Variants in IRAK1BP1 observed in about 807,000 individuals in gnomAD.
IRAK1BP1 encodes interleukin-1 receptor-associated kinase 1-binding protein 1.
In IRAK1BP1, 24 loss-of-function variants were observed where a neutral mutation model predicts 28.0. The ratio of observed to expected loss-of-function variants is 0.86; its 90% confidence interval spans 0.62 to 1.20. IRAK1BP1 has a LOEUF of 1.20. Ranked by LOEUF, IRAK1BP1 falls within the 50% of genes most tolerant of loss-of-function variation. IRAK1BP1 has a pLI of 0.00. For missense variants in IRAK1BP1, 336 were observed against 316.7 expected, an observed-to-expected ratio of 1.06 and a Z score of -0.46; for synonymous variants, 131 against 116.3, an observed-to-expected ratio of 1.13 and a Z score of -0.81.
intron 2 of IRAK1BP1, among the ~76,000 whole-genome samples, chr6:78,890,816 A>G (rs1771625647): frequency 6.6e-6 from 1 of 152,194 alleles, no homozygotes; most frequent in Admixed American, 6.5e-5. Flanking sequence ...TAATACAAGG[A>G]CAAGCAGACA....
the IRAK1BP1 span, among the ~76,000 whole-genome samples, chr6:78,977,356 T>C: frequency 1.3e-5 from 2 of 150,928 alleles, no homozygotes; most frequent in Non-Finnish European, 3.0e-5. Flanking sequence ...AAGGGGAACA[T>C]CACACTCTGG....
chr6:78,910,246 G>A (rs1192712807), intron 4 of IRAK1BP1, among the ~76,000 whole-genome samples: 1 of 152,110 alleles, frequency 6.6e-6, no homozygotes. Context: ...TAGGGAGGAC[G>A]GGCGAGGGCC....
chr6:78,924,618 GA>G (rs1299083710), intron 4 of IRAK1BP1, among the ~76,000 whole-genome samples: 1 of 152,120 alleles, frequency 6.6e-6, no homozygotes, highest in African/African-American at 2.4e-5. Context: ...CAACAAAAAA[GA>G]GAGGATTTTA....
the IRAK1BP1 span, chr6:78,969,809 C>T: frequency 4.4e-6 from 5 of 1,139,988 alleles, no homozygotes; most frequent in African/African-American, 3.1e-5. Context: ...CATCAAACAT[C>T]GATAGCTTCT....
chr6:78,908,337 A>C (rs1772314311), intron 4 of IRAK1BP1, among the ~76,000 whole-genome samples: 1 of 152,066 alleles, frequency 6.6e-6, no homozygotes, highest in African/African-American at 2.4e-5. Flanking sequence ...GGCGTGAGCC[A>C]CCACACTCGG....
chr6:78,886,635 G>A lies in IRAK1BP1; in HGVS notation c.381+1192G>A, dbSNP rs548948485. ...ATATAGATGGAAGCAAGTTATCTTA[G>A]TTAAGGAGGTTTATTATGAAGGTAC... On this transcript the variant is annotated intron_variant, in intron 2 of 3. Coordinates refer to ENST00000369940, the MANE Select transcript of IRAK1BP1 (RefSeq NM_001010844.4). Among the ~76,000 whole-genome samples the A allele has an allele frequency of 3.0e-4, 45 of 152,192 alleles. No individual in the cohort carries two copies. In the South Asian group the frequency reaches 8.9e-3, roughly 30 times the overall value.
chr6:78,968,074 G>A, the IRAK1BP1 span, among the ~76,000 whole-genome samples: 1 of 152,274 alleles, frequency 6.6e-6, no homozygotes, highest in South Asian at 2.1e-4. Flanking sequence ...GGTGGAACTT[G>A]CAGTGAGCCA....
In IRAK1BP1 at chr6:78,903,006, C is replaced by T. The variant is rs764528584; in HGVS notation, c.*4672C>T. The T allele has an allele frequency of 3.2e-4, 491 of 1,518,638 alleles. No individual in the cohort carries two copies. Among genetic ancestry groups the T allele is most frequent in the Non-Finnish European group, 4.0e-4 (450 of 1,133,300 alleles). 94.1% of individuals were successfully genotyped at this position (1,518,638 alleles called of 1,614,324 possible). On this transcript the variant is annotated 3_prime_UTR_variant, in exon 4 of 4. Transcript: ENST00000369940. ...TTCTGTTTCAGCAACTCCTGGAATCCTTCTTCAACATCCCAACCAACAATT... is the reference window on the plus strand; with the variant it reads ...TTCTGTTTCAGCAACTCCTGGAATCTTTCTTCAACATCCCAACCAACAATT...
At chr6:78,955,432 C>T in the IRAK1BP1 span, 7 of 620,648 alleles carry the variant, frequency 1.1e-5, no homozygotes, top group Admixed American at 2.6e-4. Context: ...AAGGTTCCCC[C>T]CATTAAAAAA....
chr6:78,891,989 C>T (rs1384061597), intron 2 of IRAK1BP1, among the ~76,000 whole-genome samples: 3 of 152,024 alleles, frequency 2.0e-5, no homozygotes, highest in African/African-American at 7.2e-5. Flanking sequence ...ATATATAAGA[C>T]TCATTCCGTT....
intron 2 of IRAK1BP1, among the ~76,000 whole-genome samples, chr6:78,888,892 C>T (rs896142982): frequency 9.9e-5 from 15 of 151,882 alleles, no homozygotes; most frequent in Admixed American, 3.3e-4. Context: ...CTGAGGTGGG[C>T]GGATTGCTTG....
the IRAK1BP1 span, chr6:78,966,187 C>A: frequency 5.0e-6 from 3 of 603,322 alleles, no homozygotes; most frequent in South Asian, 2.2e-5. Context: ...ACCACAAACT[C>A]CAAAAATAAG....
intron 4 of IRAK1BP1, among the ~76,000 whole-genome samples, chr6:78,918,815 A>C (rs1772640749): frequency 6.6e-6 from 1 of 152,178 alleles, no homozygotes; most frequent in Non-Finnish European, 1.5e-5. Context: ...AAAACTAACA[A>C]AGAAATTACA....
Position 78,895,506 on chromosome 6 carries a change from GAC to G in IRAK1BP1, c.382-2314_382-2313del, listed in dbSNP as rs546710478. ...ATACACATACATGCTTACACACATG[GAC>G]ACACACACGTATCCTTTACATGCAG... On this transcript the variant is annotated intron_variant, in intron 2 of 3. Coordinates refer to ENST00000369940, the MANE Select transcript of IRAK1BP1 (RefSeq NM_001010844.4). Among the ~76,000 whole-genome samples the G allele has an allele frequency of 1.2e-3, 188 of 152,034 alleles. 1 individual carries two copies. Among genetic ancestry groups the G allele is most frequent in the African/African-American group, 4.4e-3 (181 of 41,452 alleles).
At position 78,923,243 on chromosome 6, in the gene IRAK1BP1, T is replaced by C. The variant is rs111964155; in HGVS notation, c.*67+20133T>C. On this transcript the variant is annotated intron_variant and NMD_transcript_variant, in intron 4 of 4. Coordinates refer to the IRAK1BP1 transcript ENST00000606868. The stretch of plus-strand genomic sequence containing the variant: ...GAAGGAGGAAGATCTACCAAGCACA[T>C]GGAAAAAAAAAAGGGCAGGGGTTTC... Among the ~76,000 whole-genome samples the C allele has an allele frequency of 6.4e-3, 937 of 146,680 alleles. 11 individuals carry two copies. The highest frequency in any genetic ancestry group is 0.022 in the African/African-American group (884 of 40,386).
chr6:78,954,820 T>C, the IRAK1BP1 span: 9 of 1,578,832 alleles, frequency 5.7e-6, no homozygotes, highest in South Asian at 9.4e-5. Flanking sequence ...TTACTGGATA[T>C]TCAAGGAGAT....
intron 2 of IRAK1BP1, among the ~76,000 whole-genome samples, chr6:78,894,779 T>G (rs1771819470): frequency 6.6e-6 from 1 of 152,116 alleles, no homozygotes; most frequent in Non-Finnish European, 1.5e-5. Context: ...AAGTGCACAT[T>G]GAACATTTGC....
the IRAK1BP1 span, chr6:78,965,897 AT>A: frequency 7.1e-7 from 1 of 1,414,342 alleles, no homozygotes; most frequent in Non-Finnish European, 1.0e-6. Flanking sequence ...GGAAAAAAAA[AT>A]TCAAAGCAAG....
At chr6:78,945,679 T>C (rs2127681918) in exon 5 of IRAK1BP1, 2 of 620,328 alleles carry the variant, frequency 3.2e-6, no homozygotes, top group East Asian at 5.7e-5. Context: ...CTTAATAGTT[T>C]CAGCCCTTTT....
Sources: allele counts gnomAD v4.1 joint callset (sites outside exome capture counted in the v4.1 genomes callset), GRCh38; gene constraint gnomAD v4.1.1; transcripts MANE v1.5; gene names NCBI Gene and HGNC (gene_info 2026-07-23, HGNC 2026-07-21).